RFTN1: variants seen among roughly 807,000 people sequenced by gnomAD.
The protein encoded by RFTN1 is raftlin.
In RFTN1, 26 loss-of-function variants were observed where a neutral mutation model predicts 46.5. The observed-to-expected ratio is 0.56, with a 90% CI of 0.41 to 0.78. RFTN1 has a LOEUF of 0.78. Among genes scored for constraint, RFTN1 ranks in the 30% least tolerant of loss-of-function variants. RFTN1 has a pLI of 0.00. For missense variants in RFTN1, 693 were observed against 718.7 expected, an observed-to-expected ratio of 0.96 and a Z score of 0.41; for synonymous variants, 261 against 284.2, an observed-to-expected ratio of 0.92 and a Z score of 0.82.
intron 7 of RFTN1, among the ~76,000 whole-genome samples, chr3:16,357,153 CAAA>C (rs936303579): frequency 8.7e-6 from 1 of 114,936 alleles, no homozygotes; most frequent in Non-Finnish European, 2.0e-5. Context: ...AACAAACAAA[CAAA>C]AAAAACCAAG....
chr3:16,444,893 T>C (rs1325385530), intron 2 of RFTN1, among the ~76,000 whole-genome samples: 1 of 152,240 alleles, frequency 6.6e-6, no homozygotes, highest in Non-Finnish European at 1.5e-5. Flanking sequence ...TTGTTGTTAT[T>C]AATCTTTCTT....
intron 4 of RFTN1, among the ~76,000 whole-genome samples, chr3:16,403,303 T>C (rs191084986): frequency 6.6e-6 from 1 of 151,930 alleles, no homozygotes; most frequent in African/African-American, 2.4e-5. Context: ...CATATCTCAG[T>C]CCTGCCATGC....
At position 16,487,953 on chromosome 3, in the gene RFTN1, T is replaced by C. The variant is rs1242099960; in HGVS notation, c.145+5772A>G. ...AATCAAATCACCCAGAATTGAGATT[T>C]TTGGCAGCTTATGTGCTTCACTGTA... On this transcript the variant is annotated intron_variant, in intron 2 of 9. Transcript: ENST00000334133. Among the ~76,000 whole-genome samples the C allele has an allele frequency of 2.0e-5, 3 of 152,206 alleles. 1 individual carries two copies.
At chr3:16,364,897 G>C (rs1468785257) in intron 6 of RFTN1, among the ~76,000 whole-genome samples, 1 of 152,228 alleles carries the variant, frequency 6.6e-6, no homozygotes, top group Non-Finnish European at 1.5e-5. Flanking sequence ...GGGGCACGCA[G>C]GGGCTTCTAG....
Position 16,427,919 on chromosome 3 carries a change from G to A in RFTN1, c.332+5932C>T, listed in dbSNP as rs764174751. Among the ~76,000 whole-genome samples, 9 of 152,162 alleles carry A rather than the reference G, an allele frequency of 5.9e-5. 1 individual carries two copies. Among genetic ancestry groups the A allele is most frequent in the Admixed American group, 2.0e-4 (3 of 15,306 alleles). On this transcript the variant is annotated intron_variant, in intron 3 of 9. Transcript: ENST00000334133. This position sits in a 1 kb window ranked among gnomAD's most constrained non-coding sequence, Gnocchi z 5.4. Reference sequence around the variant, plus strand: ...GCCCAACCTAGAGCAAATGACAGCCGCAGAGCCTCCTCTTCTAAAGCACTC... The same window carrying A: ...GCCCAACCTAGAGCAAATGACAGCCACAGAGCCTCCTCTTCTAAAGCACTC...
chr3:16,334,290 T>C lies in RFTN1; in HGVS notation c.1147-7414A>G, dbSNP rs1004375975. ...TTGTTGCCAAGGCCGTGGGGAAGCA[T>C]GCGTTCTTGTACATTGCTAGTGGAA... is the stretch of plus-strand genomic sequence containing the variant. On this transcript the variant is annotated intron_variant, in intron 7 of 9. Coordinates refer to ENST00000334133, the MANE Select transcript of RFTN1 (RefSeq NM_015150.2). This position sits in a 1 kb window ranked among gnomAD's most constrained non-coding sequence, Gnocchi z 4.3. Among the ~76,000 whole-genome samples the C allele has an allele frequency of 1.1e-4, 17 of 152,190 alleles. No homozygotes were observed. The highest frequency in any genetic ancestry group is 2.9e-4 in the African/African-American group (12 of 41,434).
intron 3 of RFTN1, among the ~76,000 whole-genome samples, chr3:16,419,768 G>C (rs2075151234): frequency 6.6e-6 from 1 of 152,180 alleles, no homozygotes; most frequent in African/African-American, 2.4e-5. Flanking sequence ...TCCCCCAGGG[G>C]AGTTGTGAAG....
At chr3:16,367,273 AT>A (rs2073245552) in intron 6 of RFTN1, among the ~76,000 whole-genome samples, 2 of 148,084 alleles carry the variant, frequency 1.4e-5, no homozygotes, top group African/African-American at 4.9e-5. Flanking sequence ...TATGATTACG[AT>A]TAGCTTGCCA....
chr3:16,491,717 G>A (rs543747056), intron 2 of RFTN1, among the ~76,000 whole-genome samples: 25 of 150,774 alleles, frequency 1.7e-4, no homozygotes, highest in African/African-American at 4.4e-4. Context: ...GTTACTCTTC[G>A]TCATAATGAA....
chr3:16,511,004 T>C (rs1463903907), intron 1 of RFTN1, among the ~76,000 whole-genome samples: 1 of 152,186 alleles, frequency 6.6e-6, no homozygotes, highest in Admixed American at 6.5e-5. Context: ...CATGGATGAA[T>C]CTCAAAAATA....
Position 16,418,453 on chromosome 3 carries a change from A to G in RFTN1, c.333-8970T>C, listed in dbSNP as rs1197278748. ...CAGGCAGTTATGAAAAGGAGAGAGAATGTGCAGTTCATCAGTAGGGTTATT... is the reference window on the plus strand; with the variant it reads ...CAGGCAGTTATGAAAAGGAGAGAGAGTGTGCAGTTCATCAGTAGGGTTATT... On this transcript the variant is annotated intron_variant, in intron 3 of 9. Transcript: ENST00000334133. This position sits in a 1 kb window ranked among gnomAD's most constrained non-coding sequence, Gnocchi z 5.0. Among the ~76,000 whole-genome samples the G allele has an allele frequency of 6.6e-6, 1 of 152,194 alleles. No homozygotes were observed. Among genetic ancestry groups the G allele is most frequent in the Non-Finnish European group, 1.5e-5 (1 of 68,032 alleles).
intron 2 of RFTN1, among the ~76,000 whole-genome samples, chr3:16,462,661 G>A (rs1285382183): frequency 1.1e-4 from 16 of 152,342 alleles, no homozygotes; most frequent in African/African-American, 3.6e-4. Flanking sequence ...GAAGGGGTAC[G>A]ACTCTGTTGA....
In RFTN1 at chr3:16,459,120, A is replaced by C. The variant is rs1456224655; in HGVS notation, c.146-25083T>G. ...CTAATTTTTTGTATTTTTTGTAGAG[A>C]TGAGGTTTCGCTGTTGCTCAGGCTA... On this transcript the variant is annotated intron_variant, in intron 2 of 9. Transcript: ENST00000334133. This position sits in a 1 kb window ranked among gnomAD's most constrained non-coding sequence, Gnocchi z 4.2. Among the ~76,000 whole-genome samples, 1 of 151,950 alleles carries C rather than the reference A, an allele frequency of 6.6e-6. No homozygotes were observed. Among genetic ancestry groups the C allele is most frequent in the Admixed American group, 6.6e-5 (1 of 15,250 alleles).
intron 2 of RFTN1, among the ~76,000 whole-genome samples, chr3:16,456,740 T>C (rs1300996397): frequency 6.6e-6 from 1 of 152,224 alleles, no homozygotes; most frequent in Non-Finnish European, 1.5e-5. Context: ...GATACCATCA[T>C]GGGTCGTGTA....
rs2075298938 is a variant in RFTN1 at position 16,426,853 on chromosome 3, C to G, written c.332+6998G>C. Among the ~76,000 whole-genome samples, 1 of 152,106 alleles carries G rather than the reference C, an allele frequency of 6.6e-6. No homozygotes were observed. Among genetic ancestry groups the G allele is most frequent in the Non-Finnish European group, 1.5e-5 (1 of 68,030 alleles). On this transcript the variant is annotated intron_variant, in intron 3 of 9. Transcript: ENST00000334133. This position sits in a 1 kb window ranked among gnomAD's most constrained non-coding sequence, Gnocchi z 5.9. ...GCAAAATTCCAGGGCATGGTTTTAT[C>G]CCACTCAATTCATGCAAAATCTATT...
At position 16,474,802 on chromosome 3, in the gene RFTN1, T is replaced by C. The variant is rs1179252102; in HGVS notation, c.145+18923A>G. On this transcript the variant is annotated intron_variant, in intron 2 of 9. Coordinates refer to ENST00000334133, the MANE Select transcript of RFTN1 (RefSeq NM_015150.2). The surrounding 1 kb of genome is among the most constrained non-coding windows in gnomAD (Gnocchi z 5.5). ...GATGACATCTTGACAAGTTGGACTC[T>C]TTCGGGACAAAGAATACAAGCTGCA... is the stretch of plus-strand genomic sequence containing the variant. 6.6e-6 allele frequency among the ~76,000 whole-genome samples: 1 copy of C among 152,226 alleles called. No individual in the cohort carries two copies. The highest frequency in any genetic ancestry group is 1.5e-5 in the Non-Finnish European group (1 of 68,040).
Position 16,348,675 on chromosome 3 carries a change from C to T in RFTN1, c.1146+9257G>A, listed in dbSNP as rs1311604426. Among the ~76,000 whole-genome samples, 1 of 152,186 alleles carries T rather than the reference C, an allele frequency of 6.6e-6. No homozygotes were observed. The highest frequency in any genetic ancestry group is 1.5e-5 in the Non-Finnish European group (1 of 68,038). On this transcript the variant is annotated intron_variant, in intron 7 of 9. Coordinates refer to ENST00000334133, the MANE Select transcript of RFTN1 (RefSeq NM_015150.2). The surrounding 1 kb of genome is among the most constrained non-coding windows in gnomAD (Gnocchi z 6.3). ...CCTTTGCATCCTTGTTCCTGGGCAT[C>T]AAAAAGTAGTCACTCTCTTTGAGCC... is the stretch of plus-strand genomic sequence containing the variant.
intron 8 of RFTN1, among the ~76,000 whole-genome samples, chr3:16,325,493 A>G (rs928491276): frequency 2.0e-5 from 3 of 152,206 alleles, no homozygotes; most frequent in Non-Finnish European, 4.4e-5. Flanking sequence ...GTCTTCTGGA[A>G]ATTGACCAGG....
Position 16,338,087 on chromosome 3 carries a change from A to T in RFTN1, c.1147-11211T>A, listed in dbSNP as rs527393531. 2.0e-5 allele frequency among the ~76,000 whole-genome samples: 3 copies of T among 152,252 alleles called. No individual in the cohort carries two copies. Among genetic ancestry groups the T allele is most frequent in the Admixed American group, 2.0e-4 (3 of 15,292 alleles). On this transcript the variant is annotated intron_variant, in intron 7 of 9. Transcript: ENST00000334133. This position sits in a 1 kb window ranked among gnomAD's most constrained non-coding sequence, Gnocchi z 5.3. Reference sequence around the variant, plus strand: ...AGAAAACCAAACCTGCATGTGCAAGATAACATTCTCCTGGATTCTGGGACA... The same window carrying T: ...AGAAAACCAAACCTGCATGTGCAAGTTAACATTCTCCTGGATTCTGGGACA...
Sources: allele counts gnomAD v4.1 joint callset (sites outside exome capture counted in the v4.1 genomes callset), GRCh38; gene constraint gnomAD v4.1.1; non-coding constraint Gnocchi (gnomAD v3.1); transcripts MANE v1.5; gene names NCBI Gene and HGNC (gene_info 2026-07-23, HGNC 2026-07-21).